Variants in CNR2 observed in about 807,000 individuals in gnomAD.
CNR2 encodes the protein cannabinoid receptor 2.
For synonymous variants in CNR2, 172 were observed against 182.2 expected (o/e 0.94, Z 0.45); for missense variants, 379 against 439.9 (o/e 0.86, Z 1.24).
At chr1:23,902,605 CGG>C in intron 1 of CNR2, 1 of 1,604,174 alleles carries the variant, frequency 6.2e-7, no homozygotes, top group Non-Finnish European at 8.5e-7. Flanking sequence ...GCATAGAAGA[CGG>C]AGCTGCAGAC....
At chr1:23,892,621 C>T (rs1256310747) in intron 1 of CNR2, among the ~76,000 whole-genome samples, 3 of 152,166 alleles carry the variant, frequency 2.0e-5, no homozygotes, top group African/African-American at 4.8e-5. Flanking sequence ...CATTCAAGGT[C>T]GGTTCTTGAT....
Position 23,911,550 on chromosome 1 carries a change from T to C in CNR2, c.-46+1696A>G, listed in dbSNP as rs540137844. Among the ~76,000 whole-genome samples, 11 of 152,206 alleles carry C rather than the reference T, an allele frequency of 7.2e-5. 1 individual carries two copies. The South Asian group carries it at 2.3e-3, about 32-fold the overall frequency. On this transcript the variant is annotated intron_variant, in intron 1 of 1. Coordinates refer to ENST00000374472, the MANE Select transcript of CNR2 (RefSeq NM_001841.3). ...AAGCTCAGTGCACTTGGAGATTAAA[T>C]TTCCTCCTAGCCCAGTAGGATGAGG...
intron 1 of CNR2, among the ~76,000 whole-genome samples, chr1:23,903,089 G>GGCA (rs1570721225): frequency 6.6e-6 from 1 of 151,668 alleles, no homozygotes; most frequent in African/African-American, 2.4e-5. Flanking sequence ...GGGCGGCGGC[G>GGCA]GCGGCGGCGC....
intron 1 of CNR2, among the ~76,000 whole-genome samples, chr1:23,904,844 A>C (rs1640461392): frequency 6.6e-6 from 1 of 152,204 alleles, no homozygotes; most frequent in Admixed American, 6.5e-5. Context: ...CTAAAGCAGG[A>C]GTAAGACAGG....
In CNR2 at chr1:23,875,144, C is replaced by A. The variant is rs781772998; in HGVS notation, c.474G>T (p.Trp158Cys). The A allele has an allele frequency of 1.2e-6, 2 of 1,612,744 alleles. No homozygotes were observed. Among genetic ancestry groups the A allele is most frequent in the South Asian group, 2.2e-5 (2 of 90,874 alleles). ...GRALVTLGIMWVLSALVSYLP... is the reference protein window; with the variant it reads ...GRALVTLGIMCVLSALVSYLP... ...GGTAGGAGACTAGTGCTGAGAGGAC[C>A]CACATGATGCCCAGGGTCACCAGTG... Residue 158 changes from tryptophan to cysteine, a missense_variant, in exon 2 of 2, where the codon TGG (tryptophan) becomes TGT (cysteine). By Grantham distance (215) the Trp-to-Cys change is radical. Transcript: ENST00000374472.
intron 1 of CNR2, among the ~76,000 whole-genome samples, chr1:23,892,175 G>A (rs1189175431): frequency 2.0e-5 from 3 of 152,192 alleles, no homozygotes; most frequent in Non-Finnish European, 4.4e-5. Context: ...CTAGAAGGAT[G>A]GTGCCTGCCC....
At position 23,874,981 on chromosome 1, in the gene CNR2, G is replaced by A. The variant is rs1244259465; in HGVS notation, c.637C>T (p.Leu213Phe). The A allele has an allele frequency of 5.0e-6, 8 of 1,610,150 alleles. No individual in the cohort carries two copies. The highest frequency in any genetic ancestry group is 1.1e-5 in the South Asian group (1 of 90,568). Residue 213 changes from leucine (L) to phenylalanine (F), a missense_variant, in exon 2 of 2, where the codon CTC becomes TTC. Leu to Phe is a conservative substitution (Grantham distance 22, BLOSUM62 0). Coordinates refer to ENST00000374472, the MANE Select transcript of CNR2 (RefSeq NM_001841.3). ...GCCACATGCTGATGGGCCTTCCAGAGAACATGCCCATAGGTGTAGATGATT... is the reference window on the plus strand; with the variant it reads ...GCCACATGCTGATGGGCCTTCCAGAAAACATGCCCATAGGTGTAGATGATT... ...SGIIYTYGHVLWKAHQHVASL... is the reference protein window; with the variant it reads ...SGIIYTYGHVFWKAHQHVASL...
At chr1:23,902,242 AC>A (rs1480543116) in intron 1 of CNR2, 13 of 1,350,670 alleles carry the variant, frequency 9.6e-6, no homozygotes, top group Admixed American at 3.9e-5. Flanking sequence ...ATGATCTCCA[AC>A]GTCTGCCGGT....
chr1:23,878,208 A>T (rs1292682756), intron 1 of CNR2, among the ~76,000 whole-genome samples: 4 of 152,214 alleles, frequency 2.6e-5, no homozygotes, highest in Non-Finnish European at 5.9e-5. Flanking sequence ...CTACAAAAAA[A>T]TACAAAAATT....
intron 1 of CNR2, among the ~76,000 whole-genome samples, chr1:23,894,749 G>C (rs1015529170): frequency 4.1e-5 from 5 of 121,724 alleles, no homozygotes; most frequent in African/African-American, 1.5e-4. Context: ...CTGGGCAACA[G>C]AGTGAAATTT....
At chr1:23,881,717 C>G (rs182836186) in intron 1 of CNR2, among the ~76,000 whole-genome samples, 2 of 151,116 alleles carry the variant, frequency 1.3e-5, no homozygotes, top group East Asian at 4.0e-4. Flanking sequence ...GAAGAAACCT[C>G]GTCTCTACTA....
chr1:23,879,505 T>C (rs571737842), intron 1 of CNR2, among the ~76,000 whole-genome samples: 45 of 152,134 alleles, frequency 3.0e-4, no homozygotes, highest in Non-Finnish European at 5.1e-4. Context: ...CCCATTTACC[T>C]GGGAGGCTGA....
chr1:23,894,170 C>A (rs1183896622), intron 1 of CNR2, among the ~76,000 whole-genome samples: 2 of 150,258 alleles, frequency 1.3e-5, no homozygotes, highest in East Asian at 3.9e-4. Flanking sequence ...CCTGTAATCC[C>A]AATACTTTGG....
At chr1:23,903,723 T>C (rs775293279) in intron 1 of CNR2, among the ~76,000 whole-genome samples, 4 of 151,808 alleles carry the variant, frequency 2.6e-5, no homozygotes, top group Non-Finnish European at 4.4e-5. Flanking sequence ...AGGGTGAAAA[T>C]GGGATTGTGG....
At chr1:23,895,734 A>C (rs1290636370) in intron 1 of CNR2, among the ~76,000 whole-genome samples, 3 of 151,724 alleles carry the variant, frequency 2.0e-5, no homozygotes, top group Non-Finnish European at 1.5e-5. Context: ...TGATCTCTTG[A>C]CCTCTTGATC....
rs1469867086 is a variant in CNR2, at chr1:23,874,657, C to T, written c.961G>A (p.Val321Met). 2 of 1,614,184 alleles carry T rather than the reference C, an allele frequency of 1.2e-6. No homozygotes were observed. The highest frequency in any genetic ancestry group is 2.2e-5 in the South Asian group (2 of 91,082). The change falls in exon 2 of 2, where the codon GTG becomes ATG. Residue 321 changes from valine (V) to methionine (M), a missense_variant. Transcript: ENST00000374472. ...TTTGCCTCTGACCCAAGGCCCCTCACACACTTCTTCCAGTGAGCCAGGCAG... is the reference window on the plus strand; with the variant it reads ...TTTGCCTCTGACCCAAGGCCCCTCATACACTTCTTCCAGTGAGCCAGGCAG... ...HHCLAHWKKCVRGLGSEAKEE... is the reference protein window; with the variant it reads ...HHCLAHWKKCMRGLGSEAKEE...
chr1:23,876,333 A>G (rs1451896345), intron 1 of CNR2, among the ~76,000 whole-genome samples: 4 of 151,520 alleles, frequency 2.6e-5, no homozygotes, highest in African/African-American at 7.3e-5. Context: ...CAGCCTCCCA[A>G]GTAGCTGGGA....
At chr1:23,901,508 T>C (rs1338607393) in intron 1 of CNR2, 1 of 1,594,140 alleles carries the variant, frequency 6.3e-7, no homozygotes, top group Admixed American at 1.7e-5. Context: ...CTGCCCACCC[T>C]GGACCCCAGT....
At chr1:23,906,435 C>G (rs754611136) in intron 1 of CNR2, among the ~76,000 whole-genome samples, 3 of 151,314 alleles carry the variant, frequency 2.0e-5, no homozygotes, top group Non-Finnish European at 4.4e-5. Context: ...TTCTATGGCC[C>G]ATGAAAAAGG....
Sources: allele counts gnomAD v4.1 joint callset (sites outside exome capture counted in the v4.1 genomes callset), GRCh38; gene constraint gnomAD v4.1.1; transcripts MANE v1.5; gene names NCBI Gene and HGNC (gene_info 2026-07-23, HGNC 2026-07-21).